Variants in SLC1A7 observed in about 807,000 individuals in gnomAD.
SLC1A7 encodes solute carrier family 1 member 7, also known as excitatory amino acid transporter 5.
Under a neutral mutation model 47.7 loss-of-function variants are expected in SLC1A7, and 40 were observed. That is an observed-to-expected ratio of 0.84 (90% CI 0.65 to 1.09). The LOEUF is 1.09. SLC1A7 is among the 50% of genes least tolerant of loss of function. The probability of loss-of-function intolerance (pLI) is 0.00; values close to 1 mark genes in which losing one functional copy is unlikely to be tolerated. For synonymous variants in SLC1A7, 323 were observed against 325.6 expected (o/e 0.99, Z 0.09); for missense variants, 746 against 769.5 (o/e 0.97, Z 0.36).
chr1:53,112,291 A>G (rs1210804825), intron 3 of SLC1A7, among the ~76,000 whole-genome samples: 1 of 152,210 alleles, frequency 6.6e-6, no homozygotes, highest in Non-Finnish European at 1.5e-5. Context: ...GCTGGAGTAC[A>G]AAGATCACAG....
At chr1:53,110,460 G>A (rs1397966835) in intron 3 of SLC1A7, among the ~76,000 whole-genome samples, 2 of 152,172 alleles carry the variant, frequency 1.3e-5, no homozygotes, top group Admixed American at 1.3e-4. Flanking sequence ...GGGGCGTGGG[G>A]GGTGCGGCTC....
At chr1:53,129,458 GTGA>G (rs1644916794) in intron 2 of SLC1A7, among the ~76,000 whole-genome samples, 3,161 of 117,178 alleles carry the variant, frequency 0.027, 18 homozygotes, top group Middle Eastern at 0.054. Context: ...CCGCCACATT[GTGA>G]CAGATGAAGC....
In SLC1A7 at chr1:53,098,165, G is replaced by A. The variant is rs372280165; in HGVS notation, c.698-4605C>T. Among the ~76,000 whole-genome samples the A allele has an allele frequency of 6.8e-3, 981 of 144,364 alleles. 11 individuals are homozygous for A. The highest frequency in any genetic ancestry group is 0.024 in the African/African-American group (926 of 38,218). The allele number at this position is 144,364 out of a possible 152,430, so 94.7% of individuals were successfully genotyped here. Reference sequence around the variant, plus strand: ...ACGTCTTGGTAAACTCACACACCCCGCCTCTGTACACTCACATGCACTGCC... The same window carrying A: ...ACGTCTTGGTAAACTCACACACCCCACCTCTGTACACTCACATGCACTGCC... On this transcript the variant is annotated intron_variant, in intron 5 of 10. Transcript: ENST00000371494.
intron 1 of SLC1A7, among the ~76,000 whole-genome samples, chr1:53,141,771 A>T (rs1233111446): frequency 6.6e-6 from 1 of 150,412 alleles, no homozygotes; most frequent in African/African-American, 2.5e-5. Flanking sequence ...CTCTCCACTC[A>T]GCACCTGAGG....
chr1:53,127,180 T>C (rs1271170393), intron 2 of SLC1A7, among the ~76,000 whole-genome samples: 1 of 151,700 alleles, frequency 6.6e-6, no homozygotes, highest in Non-Finnish European at 1.5e-5. Context: ...GGTGAGACTT[T>C]CCCTGAACTC....
chr1:53,108,498 C>A, intron 3 of SLC1A7: 2 of 704,076 alleles, frequency 2.8e-6, no homozygotes, highest in Admixed American at 2.1e-5. Context: ...TGCCATCAAG[C>A]TCTGATTCTC....
chr1:53,104,797 G>A (rs1414821263), intron 4 of SLC1A7, among the ~76,000 whole-genome samples: 2 of 152,194 alleles, frequency 1.3e-5, no homozygotes, highest in African/African-American at 4.8e-5. Flanking sequence ...GGAAACCCTT[G>A]CTGGATTAAG....
chr1:53,093,008 C>A (rs1288407), intron 6 of SLC1A7, among the ~76,000 whole-genome samples: 145,947 of 152,154 alleles, frequency 0.96, 70,273 homozygotes, highest in Non-Finnish European at 1. Context: ...CCTTCCCCCG[C>A]CCTGCCTTCA....
chr1:53,096,303 C>T (rs891490865), intron 5 of SLC1A7, among the ~76,000 whole-genome samples: 4 of 147,296 alleles, frequency 2.7e-5, no homozygotes, highest in Admixed American at 6.8e-5. Flanking sequence ...CACACTGTCT[C>T]GGTAAACTCA....
rs371217556 is a variant in SLC1A7, at chr1:53,088,077, C to A, written c.1615G>T (p.Glu539Ter). Residue 539 changes from glutamate to a stop codon, truncating the protein, a stop_gained, in exon 11 of 11, where the codon GAG becomes TAG. Transcript: ENST00000371494. LOFTEE classifies it high-confidence loss of function. ...HHVPVQVEQDEELPAASLNHC... is the reference protein window; with the variant it reads ...HHVPVQVEQD ...TTCAGACTCGCAGCGGGCAGCTCCT[C>A]ATCCTGCTCCACTTGAACGGGGACG... 2.3e-5 allele frequency: 37 copies of A among 1,609,258 alleles called. No individual in the cohort carries two copies. The highest frequency in any genetic ancestry group is 3.1e-5 in the Non-Finnish European group (36 of 1,177,158).
chr1:53,124,705 A>T (rs1644862192), intron 2 of SLC1A7, among the ~76,000 whole-genome samples: 1 of 152,250 alleles, frequency 6.6e-6, no homozygotes, highest in Non-Finnish European at 1.5e-5. Context: ...GTAAATTAGC[A>T]GACAGCATTG....
At chr1:53,110,236 A>AG (rs2150329772) in intron 3 of SLC1A7, among the ~76,000 whole-genome samples, 1 of 152,250 alleles carries the variant, frequency 6.6e-6, no homozygotes, top group Admixed American at 6.5e-5. Context: ...AGGCCTGGAG[A>AG]GGGGAACTGG....
At chr1:53,097,753 T>G (rs755331424) in intron 5 of SLC1A7, among the ~76,000 whole-genome samples, 9 of 146,620 alleles carry the variant, frequency 6.1e-5, no homozygotes, top group Non-Finnish European at 1.4e-4. Flanking sequence ...CACAGTGCCT[T>G]GGTACACTCA....
Position 53,096,769 on chromosome 1 carries a change from TCA to T in SLC1A7, c.698-3211_698-3210del, listed in dbSNP as rs1644497330. Reference sequence around the variant, plus strand: ...ATTCACACACCCAGCCTTGGTACACTCACAGATACTGCCTCAGAACATTGACA... The same window carrying T: ...ATTCACACACCCAGCCTTGGTACACTCAGATACTGCCTCAGAACATTGACA... On this transcript the variant is annotated intron_variant, in intron 5 of 10. Coordinates refer to ENST00000371494, the MANE Select transcript of SLC1A7 (RefSeq NM_006671.6). Among the ~76,000 whole-genome samples, 5 of 147,898 alleles carry T rather than the reference TCA, an allele frequency of 3.4e-5. No individual in the cohort carries two copies. In the South Asian group the frequency reaches 1.1e-3, roughly 32 times the overall value.
intron 2 of SLC1A7, among the ~76,000 whole-genome samples, chr1:53,131,130 T>A (rs1644938139): frequency 6.6e-6 from 1 of 152,116 alleles, no homozygotes; most frequent in African/African-American, 2.4e-5. Flanking sequence ...CAACTTAATA[T>A]CACATGCATT....
intron 10 of SLC1A7, 24 bp from the exon 11 acceptor site, chr1:53,088,251 G>T: frequency 1.9e-6 from 3 of 1,566,388 alleles, no homozygotes; most frequent in Non-Finnish European, 2.6e-6. Flanking sequence ...ACAGGTCTTT[G>T]TAGCAGCAGG....
chr1:53,133,368 A>C (rs1449342977), intron 2 of SLC1A7, among the ~76,000 whole-genome samples: 1 of 152,190 alleles, frequency 6.6e-6, no homozygotes, highest in Non-Finnish European at 1.5e-5. Context: ...AGAAATTTAA[A>C]TGCTGCTTGC....
chr1:53,113,562 C>G (rs1157127371), intron 3 of SLC1A7, among the ~76,000 whole-genome samples: 1 of 152,072 alleles, frequency 6.6e-6, no homozygotes, highest in African/African-American at 2.4e-5. Flanking sequence ...AGGATCCCTC[C>G]TGAGCAGCCC....
At chr1:53,120,459 C>T (rs912708303) in intron 2 of SLC1A7, among the ~76,000 whole-genome samples, 1 of 152,172 alleles carries the variant, frequency 6.6e-6, no homozygotes, top group Non-Finnish European at 1.5e-5. Flanking sequence ...CGCAACCATC[C>T]CAGCTCCTTC....
Sources: allele counts gnomAD v4.1 joint callset (sites outside exome capture counted in the v4.1 genomes callset), GRCh38; gene constraint gnomAD v4.1.1; transcripts MANE v1.5; gene names NCBI Gene and HGNC (gene_info 2026-07-23, HGNC 2026-07-21).